The following NEMP1 variants were observed in gnomAD, a reference collection of about 807,000 sequenced individuals.
The protein encoded by NEMP1 is transmembrane protein 194.
Under a neutral mutation model 53.7 loss-of-function variants are expected in NEMP1, and 29 were observed. That is an observed-to-expected ratio of 0.54 (90% CI 0.40 to 0.74). NEMP1 has a LOEUF of 0.74. Among genes scored for constraint, NEMP1 ranks in the 30% least tolerant of loss-of-function variants. NEMP1 has a pLI of 0.00. For missense variants in NEMP1, 477 were observed against 528.6 expected (o/e 0.90, Z 0.96); for synonymous variants, 193 against 192.9 (o/e 1.00, Z 0.00).
intron 1 of NEMP1, chr12:57,087,915 A>G (rs957271195): frequency 6.6e-6 from 1 of 151,818 alleles, no homozygotes; most frequent in African/African-American, 2.4e-5. Context: ...CTCCCCCAAC[A>G]GCCCTCCCAG....
chr12:57,082,505 GA>G (rs2032875285), upstream of NEMP1, among the ~76,000 whole-genome samples: 1 of 152,132 alleles, frequency 6.6e-6, no homozygotes, highest in Non-Finnish European at 1.5e-5. Context: ...TTGAGCCCAG[GA>G]ATTCAAGACC....
At chr12:57,067,323 C>CAA (rs1257920660) in intron 4 of NEMP1, among the ~76,000 whole-genome samples, 2 of 85,708 alleles carry the variant, frequency 2.3e-5, no homozygotes, top group Non-Finnish European at 2.4e-5. Context: ...GACTCTGTCT[C>CAA]AAAAAAAAAA....
chr12:57,068,381 T>TC (rs1459447430), intron 4 of NEMP1, among the ~76,000 whole-genome samples: 1 of 151,370 alleles, frequency 6.6e-6, no homozygotes, highest in Non-Finnish European at 1.5e-5. Context: ...AAACAGGGTC[T>TC]CCCTCTGTGG....
At chr12:57,064,239 T>C (rs1371147795) in intron 5 of NEMP1, 54 bp from the exon 6 acceptor site, 1 of 1,148,798 alleles carries the variant, frequency 8.7e-7, no homozygotes, top group Non-Finnish European at 1.2e-6. Context: ...TTTCCATACA[T>C]AAAAGAAGCA....
intron 4 of NEMP1, among the ~76,000 whole-genome samples, chr12:57,066,696 T>C (rs1363268650): frequency 1.3e-5 from 2 of 152,208 alleles, no homozygotes; most frequent in African/African-American, 4.8e-5. Context: ...TAATATGGTT[T>C]GGCTGTGTCC....
chr12:57,060,093 T>C, intron 8 of NEMP1, 34 bp from the exon 9 acceptor site: 1 of 1,589,642 alleles, frequency 6.3e-7, no homozygotes. Context: ...GTTAGAAATA[T>C]CCTTCTGTCC....
intron 8 of NEMP1, 29 bp downstream of exon 8, chr12:57,060,739 TGATA>T (rs1279389235): frequency 6.3e-7 from 1 of 1,595,592 alleles, no homozygotes; most frequent in Non-Finnish European, 8.5e-7. Context: ...ACAATTACCC[TGATA>T]GATGCTTGGT....
upstream of NEMP1, chr12:57,078,795 T>G: frequency 6.4e-7 from 1 of 1,569,088 alleles, no homozygotes; most frequent in Non-Finnish European, 8.7e-7. Flanking sequence ...AGCAACTAAC[T>G]CCGAACGGGC....
chr12:57,072,564 G>C (rs976833268), intron 2 of NEMP1, among the ~76,000 whole-genome samples: 2 of 151,978 alleles, frequency 1.3e-5, no homozygotes, highest in Non-Finnish European at 2.9e-5. Context: ...GAGGAAAGAA[G>C]TTTACCTTAG....
chr12:57,068,982 T>C (rs920126313), intron 4 of NEMP1, among the ~76,000 whole-genome samples: 15 of 152,234 alleles, frequency 9.9e-5, no homozygotes, highest in African/African-American at 3.6e-4. Context: ...TCCATTTCAT[T>C]GTATTGGCTA....
intron 1 of NEMP1, among the ~76,000 whole-genome samples, chr12:57,073,464 A>AC (rs200593700): frequency 1.3e-4 from 20 of 150,450 alleles, no homozygotes; most frequent in Admixed American, 7.3e-4. Flanking sequence ...ATATGGAGAA[A>AC]CCCCCCCGTC....
In NEMP1 at chr12:57,070,876, G is replaced by C; in HGVS notation, c.270C>G (p.Ser90=). 1.2e-6 allele frequency: 2 copies of C among 1,613,696 alleles called. No individual in the cohort carries two copies. The highest frequency in any genetic ancestry group is 2.2e-5 in the East Asian group (1 of 44,870). Residue 90 remains serine (S), a synonymous_variant, in exon 3 of 9, where the codon TCC becomes TCG. Transcript: ENST00000300128. ...CCACCTGGGTGACTCGAACCAATCT[G>C]GAACTATTTACTCGGATCTGTAACA... The part of the protein sequence containing the change: ...WTRIQIRVNS[S]RLVRVTQVEN...
At chr12:57,066,037 G>C (rs948445841) in intron 4 of NEMP1, among the ~76,000 whole-genome samples, 1 of 151,890 alleles carries the variant, frequency 6.6e-6, no homozygotes, top group South Asian at 2.1e-4. Context: ...GGAGGATCAC[G>C]AGGTCCGGAG....
upstream of NEMP1, among the ~76,000 whole-genome samples, chr12:57,081,570 T>C (rs1424955973): frequency 6.7e-6 from 1 of 148,830 alleles, no homozygotes; most frequent in Non-Finnish European, 1.5e-5. Flanking sequence ...CTAAACATAA[T>C]GTGGTGGTCT....
chr12:57,064,983 A>G lies in NEMP1; in HGVS notation c.546-244T>C, dbSNP rs889268797. Among the ~76,000 whole-genome samples, 14 of 152,234 alleles carry G rather than the reference A, an allele frequency of 9.2e-5. No homozygotes were observed. The South Asian group carries it at 2.1e-3, about 23-fold the overall frequency. ...ATATAAAAATTGTTTACACTATATT[A>G]TAGTATATTAAGTGTACAACAGCAT... On this transcript the variant is annotated intron_variant, in intron 4 of 8. Coordinates refer to ENST00000300128, the MANE Select transcript of NEMP1 (RefSeq NM_001130963.2).
intron 2 of NEMP1, among the ~76,000 whole-genome samples, chr12:57,071,776 G>A (rs1432609171): frequency 6.6e-6 from 1 of 151,884 alleles, no homozygotes; most frequent in South Asian, 2.1e-4. Context: ...AGGGAGCCGA[G>A]GTCGTGCCAC....
rs1403044261 is a variant in NEMP1, at chr12:57,070,714, A to G, written c.432T>C (p.Ile144=). ...CACTGTACTTGGTGTCCTTCTCTAT[A>G]ATCTCAACTTTGAGGCAGGTTTTTG... ...YSTKTCLKVE[I]IEKDTKYSVI... is the part of the protein sequence containing the mutation. The change falls in exon 3 of 9, where the codon ATT becomes ATC. Residue 144 remains isoleucine, a synonymous_variant. Coordinates refer to ENST00000300128, the MANE Select transcript of NEMP1 (RefSeq NM_001130963.2). 6.4e-7 allele frequency: 1 copy of G among 1,561,078 alleles called. No individual in the cohort carries two copies. The highest frequency in any genetic ancestry group is 1.9e-5 in the Admixed American group (1 of 52,108).
rs2032380710 is a variant in NEMP1 at position 57,072,165 on chromosome 12, C to T, written c.252+623G>A. ...TAAAAAGAAAGAAGGGGGCTGGGTGCGATAGCTCATGCCTATAATCCCAAC... is the reference window on the plus strand; with the variant it reads ...TAAAAAGAAAGAAGGGGGCTGGGTGTGATAGCTCATGCCTATAATCCCAAC... On this transcript the variant is annotated intron_variant, in intron 2 of 8. Transcript: ENST00000300128. 2.0e-5 allele frequency among the ~76,000 whole-genome samples: 3 copies of T among 152,114 alleles called. No individual in the cohort carries two copies. The South Asian group carries it at 6.2e-4, about 32-fold the overall frequency.
chr12:57,087,450 G>C (rs1431159589), intron 1 of NEMP1, among the ~76,000 whole-genome samples: 7 of 151,994 alleles, frequency 4.6e-5, no homozygotes, highest in Non-Finnish European at 8.8e-5. Context: ...CCTGAGGTGG[G>C]GGGGGAGGGG....
Sources: gnomAD v4.1 joint callset for allele counts (sites outside exome capture counted in the v4.1 genomes callset) on GRCh38, gnomAD v4.1.1 for gene constraint, MANE v1.5 for transcripts, NCBI Gene and HGNC (gene_info 2026-07-23, HGNC 2026-07-21) for gene names.